L2HGDH: variants seen among roughly 807,000 people sequenced by gnomAD.
L2HGDH encodes L-2-hydroxyglutarate dehydrogenase, mitochondrial.
In L2HGDH, 34 loss-of-function variants were observed where a neutral mutation model predicts 51.5. That is an observed-to-expected ratio of 0.66 (90% confidence interval 0.50 to 0.88). L2HGDH has a LOEUF of 0.88. Among genes scored for constraint, L2HGDH ranks in the 40% least tolerant of loss-of-function variants. The pLI, the probability that L2HGDH is intolerant of heterozygous loss-of-function variation, is 0.00. For synonymous variants in L2HGDH, 198 were observed against 197.9 expected, an observed-to-expected ratio of 1.00 and a Z score of -0.01; for missense variants, 558 against 571.9, an observed-to-expected ratio of 0.98 and a Z score of 0.25.
intron 4 of L2HGDH, chr14:50,287,092 A>G (rs530399041): frequency 1.3e-6 from 1 of 741,302 alleles, no homozygotes; most frequent in East Asian, 1.3e-4. Context: ...GGGAAAGTAA[A>G]GTTTCTTCAT....
intron 3 of L2HGDH, among the ~76,000 whole-genome samples, chr14:50,299,393 A>G (rs1310363072): frequency 1.3e-5 from 2 of 152,204 alleles, no homozygotes; most frequent in Non-Finnish European, 2.9e-5. Flanking sequence ...TTTACCAAAC[A>G]TTTAAAGAAG....
chr14:50,270,117 GA>G (rs935529385), intron 6 of L2HGDH, among the ~76,000 whole-genome samples: 2 of 152,110 alleles, frequency 1.3e-5, no homozygotes, highest in African/African-American at 4.8e-5. Flanking sequence ...GCAAACTGAG[GA>G]CACTTTAGAA....
intron 9 of L2HGDH, among the ~76,000 whole-genome samples, chr14:50,250,559 G>A (rs1272957548): frequency 2.0e-5 from 3 of 152,202 alleles, no homozygotes; most frequent in African/African-American, 4.8e-5. Flanking sequence ...GGGGCCTGAG[G>A]AAGCTTACTG....
At chr14:50,264,630 GA>G in intron 9 of L2HGDH, among the ~76,000 whole-genome samples, 1 of 152,284 alleles carries the variant, frequency 6.6e-6, no homozygotes, top group East Asian at 1.9e-4. Flanking sequence ...CACAAGAACA[GA>G]AAACCAAATA....
intron 9 of L2HGDH, among the ~76,000 whole-genome samples, chr14:50,262,813 C>A (rs914536664): frequency 2.6e-5 from 4 of 151,738 alleles, no homozygotes; most frequent in Non-Finnish European, 5.9e-5. Context: ...TAATTTCCTG[C>A]ACTTAATAAC....
chr14:50,268,116 C>T (rs547225342), intron 7 of L2HGDH, among the ~76,000 whole-genome samples: 6 of 152,118 alleles, frequency 3.9e-5, no homozygotes, highest in South Asian at 2.1e-4. Context: ...TGGTGGCTCA[C>T]GCCTGTAATC....
At position 50,244,914 on chromosome 14, in the gene L2HGDH, C is replaced by T. The variant is rs138722777; in HGVS notation, c.*2144G>A. On this transcript the variant is annotated 3_prime_UTR_variant, in exon 10 of 10. Coordinates refer to ENST00000267436, the MANE Select transcript of L2HGDH (RefSeq NM_024884.3). ...AATCAGAGAGAATGGATGAAAATGC[C>T]TCACCTAAATGTGGTTCAGTACTCA... 18 of 985,406 alleles carry T rather than the reference C, an allele frequency of 1.8e-5. No individual in the cohort carries two copies. Among genetic ancestry groups the T allele is most frequent in the Middle Eastern group, 1.0e-3 (2 of 1,914 alleles). 61.0% of individuals were successfully genotyped at this position (985,406 alleles called of 1,614,324 possible).
intron 9 of L2HGDH, among the ~76,000 whole-genome samples, chr14:50,252,931 T>C (rs1336640209): frequency 6.6e-6 from 1 of 152,058 alleles, no homozygotes; most frequent in Non-Finnish European, 1.5e-5. Flanking sequence ...ACAGAACAAA[T>C]AGACCTAATA....
At position 50,302,183 on chromosome 14, in the gene L2HGDH, A is replaced by C; in HGVS notation, c.257-15T>G. 1 of 1,613,338 alleles carries C rather than the reference A, an allele frequency of 6.2e-7. No individual in the cohort carries two copies. On this transcript the variant is annotated splice_polypyrimidine_tract_variant and intron_variant, in intron 2 of 9. Transcript: ENST00000267436. ...CTGGTGAACAGCTACAGAACAAGAGAAACAGGGTAAGAGTAAGTACATGAT... is the reference window on the plus strand; with the variant it reads ...CTGGTGAACAGCTACAGAACAAGAGCAACAGGGTAAGAGTAAGTACATGAT...
At chr14:50,263,939 C>T (rs916324863) in intron 9 of L2HGDH, among the ~76,000 whole-genome samples, 5 of 151,236 alleles carry the variant, frequency 3.3e-5, no homozygotes, top group Non-Finnish European at 5.9e-5. Context: ...CCATGCCTGG[C>T]TAATTTTGTA....
intron 4 of L2HGDH, among the ~76,000 whole-genome samples, chr14:50,288,893 T>C (rs1413510151): frequency 1.3e-5 from 2 of 152,226 alleles, no homozygotes; most frequent in Non-Finnish European, 2.9e-5. Context: ...CCTTAATTCA[T>C]GAATCACTAA....
At chr14:50,296,613 C>A (rs1406605759) in intron 3 of L2HGDH, among the ~76,000 whole-genome samples, 3 of 142,760 alleles carry the variant, frequency 2.1e-5, no homozygotes, top group Non-Finnish European at 4.6e-5. Flanking sequence ...AAAAAAAGCC[C>A]AGGCCCAGAG....
intron 1 of L2HGDH, among the ~76,000 whole-genome samples, chr14:50,307,464 C>G (rs61981861): frequency 1.3e-5 from 2 of 152,200 alleles, no homozygotes; most frequent in Admixed American, 6.5e-5. Context: ...TGCTGGAGGA[C>G]AGTTGCAGGC....
intron 8 of L2HGDH, among the ~76,000 whole-genome samples, chr14:50,267,188 TATTC>T (rs1202429056): frequency 3.8e-5 from 5 of 132,000 alleles, no homozygotes; most frequent in African/African-American, 5.9e-5. Context: ...TTTATTTATT[TATTC>T]ATTTTTTGAG....
At chr14:50,259,396 TCTCA>T (rs1888876800) in intron 9 of L2HGDH, among the ~76,000 whole-genome samples, 1 of 136,236 alleles carries the variant, frequency 7.3e-6, no homozygotes, top group African/African-American at 2.8e-5. Context: ...AGAAATGGGG[TCTCA>T]CTATGTCACC....
intron 4 of L2HGDH, among the ~76,000 whole-genome samples, chr14:50,284,391 C>G (rs1032285288): frequency 2.6e-5 from 4 of 152,138 alleles, no homozygotes; most frequent in African/African-American, 9.7e-5. Context: ...CTGCCCAGAC[C>G]CTATCTTTGA....
intron 5 of L2HGDH, 136 bp downstream of exon 5, chr14:50,283,735 T>C (rs1025863976): frequency 8.9e-6 from 6 of 674,586 alleles, no homozygotes; most frequent in Non-Finnish European, 1.5e-5. Context: ...ATTTGTATTA[T>C]GTATTATTCT....
chr14:50,308,953 A>G (rs968810969), intron 1 of L2HGDH, among the ~76,000 whole-genome samples: 3 of 152,236 alleles, frequency 2.0e-5, no homozygotes, highest in African/African-American at 4.8e-5. Flanking sequence ...TGCTATCAAT[A>G]CAGGCGACGC....
intron 3 of L2HGDH, among the ~76,000 whole-genome samples, chr14:50,298,074 T>A (rs1359316083): frequency 6.6e-6 from 1 of 151,886 alleles, no homozygotes; most frequent in Non-Finnish European, 1.5e-5. Flanking sequence ...TGAAACCACA[T>A]CTCTACTAAA....
Sources: allele counts gnomAD v4.1 joint callset (sites outside exome capture counted in the v4.1 genomes callset), GRCh38; gene constraint gnomAD v4.1.1; transcripts MANE v1.5; gene names NCBI Gene and HGNC (gene_info 2026-07-23, HGNC 2026-07-21).